Variants in MOCOS observed in about 807,000 individuals in gnomAD.
MOCOS encodes human molybdenum cofactor sulfurase.
A neutral mutation model predicts 83.6 loss-of-function variants in MOCOS; 86 were observed. That is an observed-to-expected ratio of 1.03 (90% CI 0.86 to 1.23). The LOEUF (loss-of-function observed/expected upper bound fraction) is 1.23, where lower values mean the gene tolerates loss of function less well. MOCOS is among the 50% of genes most tolerant of loss of function. MOCOS has a pLI of 0.00. For synonymous variants in MOCOS, 445 were observed against 434.7 expected (o/e 1.02, Z -0.29); for missense variants, 1,120 against 1,126.9 (o/e 0.99, Z 0.09).
chr18:36,206,543 G>C (rs2091435461), intron 6 of MOCOS, among the ~76,000 whole-genome samples: 1 of 152,048 alleles, frequency 6.6e-6, no homozygotes, highest in Non-Finnish European at 1.5e-5. Flanking sequence ...ACTGTGCCCG[G>C]CGTTCTTCCA....
chr18:36,247,352 T>G (rs1345896007), intron 9 of MOCOS, among the ~76,000 whole-genome samples: 1 of 152,228 alleles, frequency 6.6e-6, no homozygotes. Context: ...GGCTGCAGCT[T>G]CTACGCTTGT....
chr18:36,188,310 A>G (rs138236824), intron 1 of MOCOS, among the ~76,000 whole-genome samples: 1 of 152,354 alleles, frequency 6.6e-6, no homozygotes, highest in African/African-American at 2.4e-5. Flanking sequence ...GAATTAGCAA[A>G]CAGTGCAATT....
At chr18:36,251,079 A>T in intron 10 of MOCOS, 80 bp from the exon 11 acceptor site, 1 of 1,501,482 alleles carries the variant, frequency 6.7e-7, no homozygotes, top group Non-Finnish European at 9.1e-7. Flanking sequence ...TTTATTTTGT[A>T]ACCAAACTTT....
intron 5 of MOCOS, 61 bp from the exon 6 acceptor site, chr18:36,205,016 A>AAAT: frequency 8.0e-7 from 1 of 1,242,578 alleles, no homozygotes; most frequent in Non-Finnish European, 1.1e-6. Context: ...AAAAAAAAAA[A>AAAT]GAGTGAATTG....
rs1341619379 is a variant in MOCOS at position 36,239,432 on chromosome 18, T to A, written c.1961-9490T>A. On this transcript the variant is annotated intron_variant, in intron 9 of 14. Coordinates refer to ENST00000261326, the MANE Select transcript of MOCOS (RefSeq NM_017947.4). The stretch of plus-strand genomic sequence containing the variant: ...TGGATATGAAATTCTGGGTTGAAAA[T>A]TCTTTTCTTTAAGAATGTTAAATAT... Among the ~76,000 whole-genome samples the A allele has an allele frequency of 5.4e-3, 813 of 151,558 alleles. 11 individuals are homozygous for A. Among genetic ancestry groups the A allele is most frequent in the African/African-American group, 0.018 (722 of 41,192 alleles).
At position 36,256,999 on chromosome 18, in the gene MOCOS, T is replaced by G. The variant is rs745383267; in HGVS notation, c.2196T>G (p.Ser732=). 6.2e-7 allele frequency: 1 copy of G among 1,614,182 alleles called. No homozygotes were observed. The highest frequency in any genetic ancestry group is 1.7e-5 in the Admixed American group (1 of 60,030). Residue 732 remains serine (S), a synonymous_variant, in exon 12 of 15, where the codon TCT becomes TCG. Transcript: ENST00000261326. ...DQLPGTMATL[S]LVNEAQYLLI... ...TTCCTGGTACAATGGCCACCCTTTC[T>G]CTGGTGAATGAGGCACAGTATCTGC... is the stretch of plus-strand genomic sequence containing the variant.
intron 10 of MOCOS, 128 bp downstream of exon 10, chr18:36,249,128 G>T (rs2091613351): frequency 1.2e-6 from 1 of 808,666 alleles, no homozygotes; most frequent in Non-Finnish European, 2.1e-6. Flanking sequence ...TTTCTCCCTT[G>T]CATGCTTCTC....
intron 1 of MOCOS, among the ~76,000 whole-genome samples, chr18:36,192,963 A>G (rs544161082): frequency 1.3e-5 from 2 of 152,238 alleles, no homozygotes; most frequent in Admixed American, 6.5e-5. Context: ...GCAATCTTGA[A>G]AAAGAAGATC....
rs938814336 is a variant in MOCOS, at chr18:36,201,100, C to A, written c.941+776C>A. Among the ~76,000 whole-genome samples, 5 of 152,180 alleles carry A rather than the reference C, an allele frequency of 3.3e-5. No homozygotes were observed. The East Asian group carries it at 9.6e-4, about 29-fold the overall frequency. ...CTGATCCAGGGTTCTGCTGGGTCAACAGTGGGGACACAGGGTTGGGTAGGC... is the reference window on the plus strand; with the variant it reads ...CTGATCCAGGGTTCTGCTGGGTCAAAAGTGGGGACACAGGGTTGGGTAGGC... On this transcript the variant is annotated intron_variant, in intron 4 of 14. Transcript: ENST00000261326.
chr18:36,235,802 G>C, intron 9 of MOCOS, among the ~76,000 whole-genome samples: 1 of 146,060 alleles, frequency 6.8e-6, no homozygotes, highest in Non-Finnish European at 1.5e-5. Context: ...GTTGTTTCCT[G>C]ACTTTTTAAT....
intron 2 of MOCOS, among the ~76,000 whole-genome samples, chr18:36,196,483 G>T (rs575635477): frequency 1.3e-5 from 2 of 152,206 alleles, no homozygotes; most frequent in East Asian, 3.9e-4. Flanking sequence ...TAGCTCCAGA[G>T]CCCAAGCCCT....
intron 6 of MOCOS, 34 bp from the exon 7 acceptor site, chr18:36,213,332 T>C: frequency 6.5e-7 from 1 of 1,538,940 alleles, no homozygotes; most frequent in Non-Finnish European, 9.0e-7. Flanking sequence ...TGCACGTTGG[T>C]AATGGCTCAT....
rs1160802246 is a variant in MOCOS, at chr18:36,269,738, G to C, written c.*1053G>C. On this transcript the variant is annotated 3_prime_UTR_variant, in exon 15 of 15. Transcript: ENST00000261326. ...CTTCTGAAGCCTGCTGTCCATGTGTGAACCCAGTCCCTTCATCATCTTCCC... is the reference window on the plus strand; with the variant it reads ...CTTCTGAAGCCTGCTGTCCATGTGTCAACCCAGTCCCTTCATCATCTTCCC... 3 of 152,330 alleles carry C rather than the reference G, an allele frequency of 2.0e-5. No individual in the cohort carries two copies. Among genetic ancestry groups the C allele is most frequent in the Non-Finnish European group, 4.4e-5 (3 of 68,182 alleles). 9.4% of individuals were successfully genotyped at this position (152,330 alleles called of 1,614,324 possible).
rs767765611 is a variant in MOCOS, at chr18:36,215,925, A to G, written c.1745A>G (p.His582Arg). 2.5e-6 allele frequency: 4 copies of G among 1,613,802 alleles called. No individual in the cohort carries two copies. The highest frequency in any genetic ancestry group is 2.2e-5 in the South Asian group (2 of 91,090). The change falls in exon 8 of 15, where the codon CAT becomes CGT. Residue 582 changes from histidine to arginine, a missense_variant. Physicochemically the swap from His to Arg is conservative, Grantham distance 29. Transcript: ENST00000261326. Reference sequence around the variant, plus strand: ...GTCCTGGAGGGGGCCCTTGGGCCACATGTTGTCACTAACCTTTATCTCTAT... The same window carrying G: ...GTCCTGGAGGGGGCCCTTGGGCCACGTGTTGTCACTAACCTTTATCTCTAT... Reference protein sequence around the residue: ...AGVLEGALGPHVVTNLYLYPI... With the variant: ...AGVLEGALGPRVVTNLYLYPI...
chr18:36,196,475 G>C (rs2091388037), intron 2 of MOCOS, among the ~76,000 whole-genome samples: 1 of 152,044 alleles, frequency 6.6e-6, no homozygotes, highest in African/African-American at 2.4e-5. Flanking sequence ...AGGCAGTTTA[G>C]CTCCAGAGCC....
chr18:36,247,818 A>G (rs915210693), intron 9 of MOCOS, among the ~76,000 whole-genome samples: 3 of 152,188 alleles, frequency 2.0e-5, no homozygotes, highest in Non-Finnish European at 2.9e-5. Context: ...TTTTCCTGAT[A>G]TGTTCCTGCA....
chr18:36,235,894 T>C (rs1199909300), intron 9 of MOCOS, among the ~76,000 whole-genome samples: 1 of 151,928 alleles, frequency 6.6e-6, no homozygotes, highest in African/African-American at 2.4e-5. Flanking sequence ...ATGGTGAGCA[T>C]TTTTTCATGT....
At chr18:36,188,209 G>A (rs2091350002) in intron 1 of MOCOS, among the ~76,000 whole-genome samples, 1 of 152,252 alleles carries the variant, frequency 6.6e-6, no homozygotes, top group Admixed American at 6.5e-5. Flanking sequence ...GGGATAGCCT[G>A]TATTCAGCTT....
At chr18:36,259,361 C>T (rs2091653920) in intron 12 of MOCOS, among the ~76,000 whole-genome samples, 1 of 149,288 alleles carries the variant, frequency 6.7e-6, no homozygotes. Flanking sequence ...AGGAGAATTA[C>T]TTGAGCCTGG....
Sources: allele counts gnomAD v4.1 joint callset (sites outside exome capture counted in the v4.1 genomes callset), GRCh38; gene constraint gnomAD v4.1.1; transcripts MANE v1.5; gene names NCBI Gene and HGNC (gene_info 2026-07-23, HGNC 2026-07-21).